Variants in NUFIP1 observed in about 807,000 individuals in gnomAD.
The protein encoded by NUFIP1 is FMR1-interacting protein NUFIP1.
In NUFIP1, 38 loss-of-function variants were observed where a neutral mutation model predicts 56.2. The observed-to-expected ratio is 0.68, with a 90% confidence interval of 0.52 to 0.89. The LOEUF (loss-of-function observed/expected upper bound fraction) is 0.89. Ranked by LOEUF, NUFIP1 falls within the 40% of genes least tolerant of loss-of-function variation. The pLI is 0.00. For synonymous variants in NUFIP1, 215 were observed against 212.4 expected (o/e 1.01, Z -0.10); for missense variants, 567 against 605.8 (o/e 0.94, Z 0.67).
chr13:44,942,979 A>AG (rs1292088445), intron 9 of NUFIP1, among the ~76,000 whole-genome samples: 2 of 151,822 alleles, frequency 1.3e-5, no homozygotes, highest in East Asian at 3.9e-4. Flanking sequence ...AAAAAAAAAA[A>AG]AAAAAAAATA....
At chr13:44,962,982 T>C (rs538468642) in intron 6 of NUFIP1, among the ~76,000 whole-genome samples, 1 of 152,224 alleles carries the variant, frequency 6.6e-6, no homozygotes, top group Non-Finnish European at 1.5e-5. Flanking sequence ...ATGATATTCA[T>C]AACGACAAAA....
intron 8 of NUFIP1, among the ~76,000 whole-genome samples, chr13:44,949,236 C>G (rs1284132577): frequency 1.8e-5 from 2 of 114,006 alleles, no homozygotes; most frequent in Non-Finnish European, 3.3e-5. Context: ...GAGTCTCGCT[C>G]TGTCGCCCAG....
At position 44,965,944 on chromosome 13, in the gene NUFIP1, A is replaced by C; in HGVS notation, c.735-8T>G. 1 of 1,490,440 alleles carries C rather than the reference A, an allele frequency of 6.7e-7. No homozygotes were observed. The highest frequency in any genetic ancestry group is 9.1e-7 in the Non-Finnish European group (1 of 1,100,628). 92.3% of individuals were successfully genotyped at this position (1,490,440 alleles called of 1,614,324 possible). On this transcript the variant is annotated splice_region_variant and splice_polypyrimidine_tract_variant and intron_variant, in intron 5 of 9. Transcript: ENST00000379161. ...GCCAGAGTTGGATAGTTTCTAGAAA[A>C]TAATAAAAGTTAATTATAATAGGGC...
intron 5 of NUFIP1, among the ~76,000 whole-genome samples, chr13:44,967,541 C>T (rs552534095): frequency 1.3e-4 from 19 of 151,872 alleles, no homozygotes; most frequent in Non-Finnish European, 2.8e-4. Context: ...GATATCTGGA[C>T]AATGACAAGT....
rs529503742 is a variant in NUFIP1, at chr13:44,973,919, C to G, written c.734+5271G>C. Among the ~76,000 whole-genome samples, 7 of 152,214 alleles carry G rather than the reference C, an allele frequency of 4.6e-5. No homozygotes were observed. In the South Asian group the frequency reaches 1.5e-3, roughly 32 times the overall value. Reference sequence around the variant, plus strand: ...GACTGAGACAAAAAGCCCCTATAAGCAAATAATATGGAAATAATCAGAAAA... The same window carrying G: ...GACTGAGACAAAAAGCCCCTATAAGGAAATAATATGGAAATAATCAGAAAA... On this transcript the variant is annotated intron_variant, in intron 5 of 9. Transcript: ENST00000379161.
At chr13:44,965,782 A>C (rs1871576733) in intron 6 of NUFIP1, 62 bp downstream of exon 6, 2 of 809,348 alleles carry the variant, frequency 2.5e-6, no homozygotes, top group Non-Finnish European at 3.9e-6. Flanking sequence ...AATTGAGTAC[A>C]TAAGGGTTTT....
chr13:44,961,991 TGAAAA>T (rs1237548351), intron 6 of NUFIP1, among the ~76,000 whole-genome samples: 2 of 152,136 alleles, frequency 1.3e-5, no homozygotes, highest in Non-Finnish European at 2.9e-5. Flanking sequence ...GACAATCATT[TGAAAA>T]GAAAAGTTTA....
intron 1 of NUFIP1, 104 bp downstream of exon 1, chr13:44,988,921 G>A: frequency 2.6e-6 from 3 of 1,163,696 alleles, no homozygotes; most frequent in Non-Finnish European, 3.7e-6. Context: ...CAGACTCCAA[G>A]AGTGCAGAGG....
chr13:44,969,163 A>G (rs574160415), intron 5 of NUFIP1, among the ~76,000 whole-genome samples: 4 of 152,304 alleles, frequency 2.6e-5, no homozygotes, highest in Admixed American at 6.5e-5. Context: ...ATCCTCTTCC[A>G]AAATTTATTA....
Position 44,976,614 on chromosome 13 carries a change from T to C in NUFIP1, c.734+2576A>G, listed in dbSNP as rs145755891. On this transcript the variant is annotated intron_variant, in intron 5 of 9. Transcript: ENST00000379161. ...GAAAACCTTGTATCTATAAAGAAGC[T>C]ACCTACAGAAGCCAAGGAACTTCAG... is the stretch of plus-strand genomic sequence containing the variant. Among the ~76,000 whole-genome samples, 993 of 152,286 alleles carry C rather than the reference T, an allele frequency of 6.5e-3. 12 individuals carry two copies. Among genetic ancestry groups the C allele is most frequent in the African/African-American group, 0.023 (939 of 41,552 alleles).
At chr13:44,954,478 C>T (rs1871164766) in intron 7 of NUFIP1, among the ~76,000 whole-genome samples, 1 of 152,168 alleles carries the variant, frequency 6.6e-6, no homozygotes, top group Non-Finnish European at 1.5e-5. Context: ...AACGCAGGAC[C>T]TTATAAATCC....
chr13:44,949,893 A>G (rs1593358173), intron 7 of NUFIP1, 55 bp from the exon 8 acceptor site: 5 of 1,063,342 alleles, frequency 4.7e-6, no homozygotes, highest in Non-Finnish European at 5.9e-6. Flanking sequence ...AAAGCTGTCC[A>G]TCCCCCATTC....
intron 2 of NUFIP1, among the ~76,000 whole-genome samples, 160 bp from the exon 3 acceptor site, chr13:44,980,980 ATTTC>A (rs550583634): frequency 8.0e-4 from 122 of 152,272 alleles, no homozygotes; most frequent in Middle Eastern, 3.4e-3. Flanking sequence ...AGATTATTCT[ATTTC>A]TTTCTTTCAT....
At chr13:44,978,804 A>G (rs995368520) in intron 5 of NUFIP1, among the ~76,000 whole-genome samples, 3 of 152,162 alleles carry the variant, frequency 2.0e-5, no homozygotes, top group Non-Finnish European at 4.4e-5. Context: ...TACTTAGCTC[A>G]CCTTAGTTTA....
chr13:44,943,501 A>C lies in NUFIP1; in HGVS notation c.1312T>G (p.Tyr438Asp), dbSNP rs762226060. Residue 438 changes from tyrosine to aspartate, a missense_variant, in exon 9 of 10, where the codon TAT becomes GAT. Physicochemically the swap from Tyr to Asp is radical, Grantham distance 160. Transcript: ENST00000379161. ...TCGAATAACGTTTGATAGTTGTGAT[A>C]ATCTTTTTTCCTCTTAGGGTTTGTT... ...EKTNPKRKKD[Y>D]HNYQTLFEPR... 1.9e-6 allele frequency: 3 copies of C among 1,614,024 alleles called. No homozygotes were observed. The highest frequency in any genetic ancestry group is 2.5e-6 in the Non-Finnish European group (3 of 1,180,020).
chr13:44,959,854 G>A (rs1005183079), intron 6 of NUFIP1, among the ~76,000 whole-genome samples: 2 of 151,680 alleles, frequency 1.3e-5, no homozygotes, highest in African/African-American at 4.8e-5. Flanking sequence ...ATTGGGCTGT[G>A]TCGTATTATC....
intron 6 of NUFIP1, among the ~76,000 whole-genome samples, chr13:44,965,129 T>C (rs1871553040): frequency 1.3e-5 from 2 of 152,182 alleles, no homozygotes; most frequent in South Asian, 4.1e-4. Flanking sequence ...CCTGTGATAC[T>C]GAGTGAATGA....
intron 9 of NUFIP1, 43 bp from the exon 10 acceptor site, chr13:44,941,365 T>C: frequency 1.7e-6 from 2 of 1,157,222 alleles, no homozygotes; most frequent in East Asian, 4.7e-5. Flanking sequence ...AAATAAATTA[T>C]ATCTGGGAAA....
rs1566067736 is a variant in NUFIP1 at position 44,989,285 on chromosome 13, G to C, written c.152C>G (p.Thr51Arg). 5.0e-6 allele frequency: 8 copies of C among 1,613,552 alleles called. No homozygotes were observed. The highest frequency in any genetic ancestry group is 1.3e-5 in the African/African-American group (1 of 75,054). Reference protein sequence around the residue: ...AMLPPPPPPLTSSLPAAGSKP... With the variant: ...AMLPPPPPPLRSSLPAAGSKP... The stretch of plus-strand genomic sequence containing the variant: ...TGACCCGGCTGCGGGAAGCGAGGAC[G>C]TAAGTGGTGGTGGCGGTGGCGGCAG... The change falls in exon 1 of 10, where the codon ACG (threonine) becomes AGG (arginine). Residue 51 changes from threonine (T) to arginine (R), a missense_variant. Coordinates refer to ENST00000379161, the MANE Select transcript of NUFIP1 (RefSeq NM_012345.3).
Sources: allele counts gnomAD v4.1 joint callset (sites outside exome capture counted in the v4.1 genomes callset), GRCh38; gene constraint gnomAD v4.1.1; transcripts MANE v1.5; gene names NCBI Gene and HGNC (gene_info 2026-07-23, HGNC 2026-07-21).